RBFOX1: variants seen among roughly 807,000 people sequenced by gnomAD.
RBFOX1 encodes RNA binding protein fox-1 homolog 1.
Under a neutral mutation model 57.7 loss-of-function variants are expected in RBFOX1, and 8 were observed. The ratio of observed to expected loss-of-function variants is 0.14; its 90% CI spans 0.08 to 0.25. The LOEUF (loss-of-function observed/expected upper bound fraction) is 0.25. Among genes scored for constraint, RBFOX1 ranks in the 10% least tolerant of loss-of-function variants. The pLI is 1.00. For synonymous variants in RBFOX1, 326 were observed against 222.4 expected (o/e 1.47, Z -4.15); for missense variants, 611 against 548.5 (o/e 1.11, Z -1.14).
intron 1 of RBFOX1, among the ~76,000 whole-genome samples, chr16:6,100,391 T>G (rs1192072576): frequency 6.6e-6 from 1 of 152,196 alleles, no homozygotes; most frequent in African/African-American, 2.4e-5. Flanking sequence ...CTCGATTTCC[T>G]GACCGCGTGA....
intron 4 of RBFOX1, among the ~76,000 whole-genome samples, chr16:5,875,654 T>C (rs1159599665): frequency 6.6e-6 from 1 of 152,178 alleles, no homozygotes; most frequent in Admixed American, 6.5e-5. Flanking sequence ...AAGTATCAAC[T>C]AGAACCAATT....
intron 4 of RBFOX1, among the ~76,000 whole-genome samples, chr16:7,270,770 T>C (rs765811222): frequency 6.6e-6 from 1 of 152,240 alleles, no homozygotes; most frequent in Non-Finnish European, 1.5e-5. Context: ...ACCTTGCATC[T>C]GTTAGCTGGC....
At chr16:6,602,821 C>T (rs530452367) in intron 2 of RBFOX1, among the ~76,000 whole-genome samples, 185 of 152,284 alleles carry the variant, frequency 1.2e-3, no homozygotes, top group Non-Finnish European at 2.4e-3. Context: ...ATCAGAAAGA[C>T]AACTGGAGCT....
intron 2 of RBFOX1, among the ~76,000 whole-genome samples, chr16:5,525,330 C>T (rs1231527081): frequency 6.6e-6 from 1 of 151,962 alleles, no homozygotes; most frequent in South Asian, 2.1e-4. Context: ...GGAACCCTTC[C>T]TCTTGTTTTA....
chr16:6,225,803 G>C (rs1264924662), intron 1 of RBFOX1, among the ~76,000 whole-genome samples: 1 of 152,214 alleles, frequency 6.6e-6, no homozygotes, highest in Non-Finnish European at 1.5e-5. Flanking sequence ...TAGCCTAGGA[G>C]ACATGACTGA....
At chr16:7,203,283 C>T (rs992315100) in intron 4 of RBFOX1, among the ~76,000 whole-genome samples, 1 of 152,132 alleles carries the variant, frequency 6.6e-6, no homozygotes, top group Admixed American at 6.5e-5. Flanking sequence ...TAAAATAAGC[C>T]AGTCACAAAA....
chr16:7,467,140 T>C (rs1236774681), intron 4 of RBFOX1, among the ~76,000 whole-genome samples: 1 of 152,220 alleles, frequency 6.6e-6, no homozygotes, highest in Non-Finnish European at 1.5e-5. Flanking sequence ...AGGTAACTGA[T>C]AGAGTATCTT....
chr16:6,473,517 G>C (rs900885459), intron 2 of RBFOX1, among the ~76,000 whole-genome samples: 1 of 151,902 alleles, frequency 6.6e-6, no homozygotes, highest in Non-Finnish European at 1.5e-5. Flanking sequence ...TAGAACATAA[G>C]CTACATGAGG....
At chr16:5,337,851 C>T (rs1320410166) in intron 1 of RBFOX1, among the ~76,000 whole-genome samples, 1 of 151,984 alleles carries the variant, frequency 6.6e-6, no homozygotes, top group Non-Finnish European at 1.5e-5. Context: ...CAAGACCATC[C>T]TGGGTAACAC....
chr16:5,463,671 A>T (rs866445943), intron 1 of RBFOX1, among the ~76,000 whole-genome samples: 2 of 151,976 alleles, frequency 1.3e-5, no homozygotes, highest in Non-Finnish European at 2.9e-5. Flanking sequence ...GTGCTGACAC[A>T]CAACTGTAAT....
chr16:6,846,907 T>C (rs970082352), intron 3 of RBFOX1, among the ~76,000 whole-genome samples: 1 of 147,232 alleles, frequency 6.8e-6, no homozygotes, highest in East Asian at 2.0e-4. Context: ...TGCCTCTAAA[T>C]TACCCTAGGA....
chr16:6,898,055 A>G (rs1038642499), intron 3 of RBFOX1, among the ~76,000 whole-genome samples: 1 of 152,160 alleles, frequency 6.6e-6, no homozygotes, highest in Admixed American at 6.5e-5. Flanking sequence ...GTGTTTATAT[A>G]ATGCCTGATA....
chr16:7,277,208 C>T (rs1044723786), intron 4 of RBFOX1, among the ~76,000 whole-genome samples: 3 of 151,754 alleles, frequency 2.0e-5, no homozygotes, highest in Non-Finnish European at 4.4e-5. Context: ...TTTTTTTTCA[C>T]GTTATTCATC....
chr16:5,620,772 G>A (rs1292322048), intron 3 of RBFOX1, among the ~76,000 whole-genome samples: 2 of 152,138 alleles, frequency 1.3e-5, no homozygotes, highest in Non-Finnish European at 2.9e-5. Flanking sequence ...TTGACTTCCT[G>A]GGCTCAAGTG....
At chr16:5,768,407 A>T (rs1372491130) in intron 3 of RBFOX1, among the ~76,000 whole-genome samples, 1 of 152,174 alleles carries the variant, frequency 6.6e-6, no homozygotes, top group East Asian at 1.9e-4. Flanking sequence ...TGGTTTCAAC[A>T]TGACCTCACT....
intron 4 of RBFOX1, among the ~76,000 whole-genome samples, chr16:7,293,225 C>A (rs1002689685): frequency 2.6e-5 from 4 of 152,132 alleles, no homozygotes; most frequent in African/African-American, 4.8e-5. Context: ...TGTCATTATT[C>A]CCTAAACAAT....
chr16:6,126,532 A>G (rs1369003939), intron 1 of RBFOX1, among the ~76,000 whole-genome samples: 4 of 152,220 alleles, frequency 2.6e-5, no homozygotes, highest in African/African-American at 9.6e-5. Context: ...GACATAGTAC[A>G]TGGTAAAGTC....
At chr16:6,821,328 T>A (rs1392817342) in intron 3 of RBFOX1, among the ~76,000 whole-genome samples, 2 of 152,226 alleles carry the variant, frequency 1.3e-5, no homozygotes, top group African/African-American at 4.8e-5. Flanking sequence ...CTACCTGACA[T>A]GTTTTGTCCC....
At chr16:6,026,391 G>A (rs532189814) in intron 1 of RBFOX1, among the ~76,000 whole-genome samples, 1 of 152,352 alleles carries the variant, frequency 6.6e-6, no homozygotes, top group East Asian at 1.9e-4. Flanking sequence ...AGAGAGTGGG[G>A]TGTAGGCAGG....
Sources: allele counts gnomAD v4.1 joint callset (sites outside exome capture counted in the v4.1 genomes callset), GRCh38; gene constraint gnomAD v4.1.1; transcripts MANE v1.5; gene names NCBI Gene and HGNC (gene_info 2026-07-23, HGNC 2026-07-21).